Variants in WWC1 observed in about 807,000 individuals in gnomAD.
WWC1 encodes the protein WW and C2 domain containing 1, also known as protein KIBRA.
WWC1 carries 55 observed loss-of-function variants against 138.4 expected under a neutral mutation model. The observed-to-expected ratio is 0.40, with a 90% CI of 0.32 to 0.50. The LOEUF (loss-of-function observed/expected upper bound fraction) is 0.50, where lower values mean the gene tolerates loss of function less well. Ranked by LOEUF, WWC1 falls within the 20% of genes least tolerant of loss-of-function variation. WWC1 has a pLI of 0.72. For missense variants in WWC1, 1,226 were observed against 1,420.4 expected, an observed-to-expected ratio of 0.86 and a Z score of 2.20; for synonymous variants, 524 against 564.9, an observed-to-expected ratio of 0.93 and a Z score of 1.03.
intron 5 of WWC1, among the ~76,000 whole-genome samples, chr5:168,403,310 G>A (rs1257132866): frequency 6.6e-6 from 1 of 152,016 alleles, no homozygotes; most frequent in African/African-American, 2.4e-5. Flanking sequence ...TGTTAGCCAG[G>A]ATGGTCTCGA....
intron 1 of WWC1, among the ~76,000 whole-genome samples, chr5:168,293,623 GGCAA>G (rs1769265902): frequency 6.6e-6 from 1 of 152,254 alleles, no homozygotes; most frequent in Non-Finnish European, 1.5e-5. Context: ...GCATCTCTTA[GGCAA>G]GCTGCTTCAA....
intron 1 of WWC1, among the ~76,000 whole-genome samples, chr5:168,336,386 T>C (rs6873605): frequency 0.31 from 46,822 of 151,752 alleles, 10,348 homozygotes; most frequent in African/African-American, 0.63. Flanking sequence ...CCCTGGTCAA[T>C]GTGGTGAAAC....
chr5:168,316,615 T>G (rs2152753940), intron 1 of WWC1: 1 of 152,442 alleles, frequency 6.6e-6, no homozygotes, highest in Non-Finnish European at 1.5e-5. Flanking sequence ...ACCCCTTGGT[T>G]ACTTGAAGAG....
chr5:168,442,274 G>A (rs1226469036), intron 16 of WWC1, among the ~76,000 whole-genome samples: 1 of 151,930 alleles, frequency 6.6e-6, no homozygotes, highest in Non-Finnish European at 1.5e-5. Flanking sequence ...ACCTCTCTGA[G>A]CTTTCAATTT....
At chr5:168,339,956 C>CT (rs1773884056) in intron 1 of WWC1, among the ~76,000 whole-genome samples, 3 of 127,190 alleles carry the variant, frequency 2.4e-5, no homozygotes, top group African/African-American at 8.6e-5. Flanking sequence ...TCCCCCTCTC[C>CT]CTCTCTCTCT....
chr5:168,354,039 C>T (rs1281218902), intron 1 of WWC1, among the ~76,000 whole-genome samples: 10 of 151,744 alleles, frequency 6.6e-5, no homozygotes, highest in African/African-American at 2.4e-4. Context: ...AAAATGAGTG[C>T]TTTTTCTTTT....
chr5:168,458,668 G>T (rs1251946712), intron 19 of WWC1, among the ~76,000 whole-genome samples: 1 of 152,124 alleles, frequency 6.6e-6, no homozygotes, highest in African/African-American at 2.4e-5. Flanking sequence ...TCCTGAACTA[G>T]CTTCCTGTGA....
At chr5:168,308,751 T>C (rs1770797909) in intron 1 of WWC1, among the ~76,000 whole-genome samples, 1 of 152,192 alleles carries the variant, frequency 6.6e-6, no homozygotes, top group Non-Finnish European at 1.5e-5. Flanking sequence ...GGGAATAGAT[T>C]TGTGCCAAAT....
intron 3 of WWC1, among the ~76,000 whole-genome samples, chr5:168,394,168 A>G (rs1778714417): frequency 6.6e-6 from 1 of 152,180 alleles, no homozygotes; most frequent in Admixed American, 6.5e-5. Context: ...GTAAATAAGT[A>G]ATGCCGAAAA....
chr5:168,441,957 TAGG>T (rs1377964763), intron 16 of WWC1, 123 bp downstream of exon 16: 2 of 1,380,646 alleles, frequency 1.4e-6, no homozygotes. Flanking sequence ...GTGGAGGAAG[TAGG>T]AGAAGAAGAC....
chr5:168,363,489 T>C (rs1355761591), intron 1 of WWC1, among the ~76,000 whole-genome samples: 2 of 123,918 alleles, frequency 1.6e-5, no homozygotes, highest in African/African-American at 3.2e-5. Flanking sequence ...CACGCCACTG[T>C]ACTCCAGCCT....
intron 8 of WWC1, among the ~76,000 whole-genome samples, chr5:168,412,782 C>G (rs957842293): frequency 6.6e-6 from 1 of 152,104 alleles, no homozygotes. Flanking sequence ...ATTTACATAG[C>G]ATTTACATTG....
chr5:168,322,235 T>C (rs1284044630), intron 1 of WWC1, among the ~76,000 whole-genome samples: 2 of 150,402 alleles, frequency 1.3e-5, no homozygotes, highest in Non-Finnish European at 3.0e-5. Context: ...ATGTAAAATA[T>C]ACCACTCTTC....
rs1332856155 is a variant in WWC1, at chr5:168,312,209, G to A, written c.119+19938G>A. Among the ~76,000 whole-genome samples the A allele has an allele frequency of 5.0e-5, 7 of 139,520 alleles. No homozygotes were observed. The South Asian group carries it at 7.0e-4, about 14-fold the overall frequency. The allele number at this position is 139,520 out of a possible 152,430, so 91.5% of individuals were successfully genotyped here. A position where few individuals can be genotyped will look rare whatever the true frequency, so the allele number is the denominator to read the frequency against. On this transcript the variant is annotated intron_variant, in intron 1 of 22. Transcript: ENST00000265293. Reference sequence around the variant, plus strand: ...TCTAGCCTGGGTGACAGAACGAGACGCCGTCTCAAAAAAAAAAAAAGGAAC... The same window carrying A: ...TCTAGCCTGGGTGACAGAACGAGACACCGTCTCAAAAAAAAAAAAAGGAAC...
At chr5:168,380,887 G>A (rs1239522247) in intron 2 of WWC1, among the ~76,000 whole-genome samples, 1 of 152,104 alleles carries the variant, frequency 6.6e-6, no homozygotes, top group East Asian at 1.9e-4. Flanking sequence ...AAGAACCAAG[G>A]CCCTAAGAGC....
Position 168,338,493 on chromosome 5 carries a change from C to T in WWC1, c.120-32931C>T, listed in dbSNP as rs567608767. On this transcript the variant is annotated intron_variant, in intron 1 of 22. Transcript: ENST00000265293. ...GAGGCGCCATCTCAGCTCACTGCAA[C>T]CTCCGCCTCCCGGGTTCAAGCGGTT... Among the ~76,000 whole-genome samples, 4 of 150,624 alleles carry T rather than the reference C, an allele frequency of 2.7e-5. No individual in the cohort carries two copies. In the South Asian group the frequency reaches 8.4e-4, roughly 32 times the overall value.
intron 1 of WWC1, among the ~76,000 whole-genome samples, chr5:168,310,760 C>T (rs1433572234): frequency 6.7e-6 from 1 of 150,354 alleles, no homozygotes; most frequent in African/African-American, 2.4e-5. Context: ...ATCACTTGGA[C>T]CCAGGGGGTC....
chr5:168,437,680 C>T (rs566292458), intron 15 of WWC1, among the ~76,000 whole-genome samples: 5 of 152,302 alleles, frequency 3.3e-5, no homozygotes, highest in African/African-American at 1.2e-4. Context: ...CTCAAAAGTG[C>T]ATCCAGTTTA....
intron 12 of WWC1, 118 bp downstream of exon 12, chr5:168,428,259 C>T (rs764092626): frequency 2.7e-5 from 27 of 985,976 alleles, no homozygotes; most frequent in Non-Finnish European, 3.7e-5. Context: ...GGGAGGAGCC[C>T]CAAGAGGGCA....
Sources: allele counts gnomAD v4.1 joint callset (sites outside exome capture counted in the v4.1 genomes callset), GRCh38; gene constraint gnomAD v4.1.1; transcripts MANE v1.5; gene names NCBI Gene and HGNC (gene_info 2026-07-23, HGNC 2026-07-21).